Variants in GTF2B observed in about 807,000 individuals in gnomAD.
GTF2B encodes the protein transcription initiation factor IIB.
Under a neutral mutation model 34.6 loss-of-function variants are expected in GTF2B, and 20 were observed. The observed-to-expected ratio is 0.58, with a 90% confidence interval of 0.41 to 0.84. The LOEUF (loss-of-function observed/expected upper bound fraction) is 0.84. Among genes scored for constraint, GTF2B ranks in the 40% least tolerant of loss-of-function variants. The pLI is 0.00. For missense variants in GTF2B, 237 were observed against 393.3 expected (o/e 0.60, Z 3.36); for synonymous variants, 142 against 132.4 (o/e 1.07, Z -0.50).
chr1:88,856,281 A>AAAC (rs1673307055), intron 6 of GTF2B, among the ~76,000 whole-genome samples: 1 of 120,486 alleles, frequency 8.3e-6, no homozygotes, highest in South Asian at 2.4e-4. Flanking sequence ...ACAAAAAAAA[A>AAAC]AAAAAAAAAC....
At chr1:88,878,423 C>T (rs1180428092) in intron 2 of GTF2B, among the ~76,000 whole-genome samples, 1 of 152,108 alleles carries the variant, frequency 6.6e-6, no homozygotes, top group Non-Finnish European at 1.5e-5. Flanking sequence ...ACCAATTAAA[C>T]AACTATCACA....
intron 2 of GTF2B, among the ~76,000 whole-genome samples, chr1:88,885,517 G>A (rs1674046498): frequency 6.6e-6 from 1 of 151,944 alleles, no homozygotes; most frequent in African/African-American, 2.4e-5. Flanking sequence ...GGAGGCCAAG[G>A]CGATCGTATC....
In GTF2B at chr1:88,859,923, T is replaced by C. The variant is rs200968533; in HGVS notation, c.494A>G (p.Tyr165Cys). 6.2e-7 allele frequency: 1 copy of C among 1,613,798 alleles called. No homozygotes were observed. The highest frequency in any genetic ancestry group is 8.5e-7 in the Non-Finnish European group (1 of 1,179,838). The change falls in exon 5 of 7, where the codon TAT becomes TGT. Residue 165 changes from tyrosine to cysteine, a missense_variant. By Grantham distance (194) the Tyr-to-Cys change is radical. Coordinates refer to ENST00000370500, the MANE Select transcript of GTF2B (RefSeq NM_001514.6). ...AACCCCTTCTTGTCTACAGGCAATA[T>C]AGAGACAAGCAGAAGCTATAGCATC... ...ANDAIASACL[Y>C]IACRQEGVPR...
chr1:88,889,341 A>G (rs1449778777), intron 1 of GTF2B, among the ~76,000 whole-genome samples: 5 of 152,232 alleles, frequency 3.3e-5, no homozygotes, highest in Admixed American at 6.5e-5. Context: ...AACCATACAA[A>G]TGGGGTGGTG....
chr1:88,885,855 A>G (rs1346814296), intron 2 of GTF2B, among the ~76,000 whole-genome samples: 1 of 152,262 alleles, frequency 6.6e-6, no homozygotes. Flanking sequence ...TGTAAAAGCC[A>G]GAATTAACAA....
At chr1:88,862,833 G>A (rs1055027016) in intron 3 of GTF2B, among the ~76,000 whole-genome samples, 2 of 151,916 alleles carry the variant, frequency 1.3e-5, no homozygotes, top group Non-Finnish European at 2.9e-5. Flanking sequence ...AGTAGAGACG[G>A]GGTTTCGCCA....
chr1:88,867,794 TTTTA>T (rs901778896), intron 2 of GTF2B, among the ~76,000 whole-genome samples: 2 of 151,928 alleles, frequency 1.3e-5, no homozygotes, highest in African/African-American at 4.8e-5. Context: ...AAGATGGATT[TTTTA>T]TTTTTTTTAA....
At chr1:88,856,303 A>AAAGAAAAAAAAAAG (rs1673313878) in intron 6 of GTF2B, among the ~76,000 whole-genome samples, 1 of 146,818 alleles carries the variant, frequency 6.8e-6, no homozygotes, top group Non-Finnish European at 1.5e-5. Flanking sequence ...AAAAAAAAAA[A>AAAGAAAAAAAAAAG]GGAAAAGAAA....
At chr1:88,883,001 A>G (rs965400888) in intron 2 of GTF2B, among the ~76,000 whole-genome samples, 11 of 152,366 alleles carry the variant, frequency 7.2e-5, no homozygotes, top group African/African-American at 2.4e-4. Context: ...CCTGGAAAAT[A>G]TATCTGCTGC....
In GTF2B at chr1:88,864,267, T is replaced by TA. The variant is rs1673501154; in HGVS notation, c.125-154dup. 5.9e-5 allele frequency among the ~76,000 whole-genome samples: 9 copies of TA among 152,374 alleles called. No homozygotes were observed. The South Asian group carries it at 1.9e-3, about 32-fold the overall frequency. ...AATATCACATTTCAGACATTTGTCC[T>TA]AAAGCATTCCTTTAACTATTGTGCC... On this transcript the variant is annotated intron_variant, in intron 2 of 6. Transcript: ENST00000370500.
At chr1:88,880,027 C>A (rs1172310344) in intron 2 of GTF2B, among the ~76,000 whole-genome samples, 1 of 151,756 alleles carries the variant, frequency 6.6e-6, no homozygotes, top group African/African-American at 2.4e-5. Context: ...CCACTGCACT[C>A]CAGCCTGGGC....
At chr1:88,855,353 G>GTTT (rs1315421121) in intron 6 of GTF2B, among the ~76,000 whole-genome samples, 3 of 134,090 alleles carry the variant, frequency 2.2e-5, no homozygotes, top group African/African-American at 2.9e-5. Context: ...TTCACTTTCT[G>GTTT]TTTTTGTTTT....
rs567908190 is a variant in GTF2B at position 88,859,014 on chromosome 1, C to T, written c.535+868G>A. ...TCCTGAGTAGCTGGGACTACAGGCG[C>T]GCACCACCACGCCTGGCTAATTTTT... On this transcript the variant is annotated intron_variant, in intron 5 of 6. Coordinates refer to ENST00000370500, the MANE Select transcript of GTF2B (RefSeq NM_001514.6). Among the ~76,000 whole-genome samples the T allele has an allele frequency of 2.0e-4, 31 of 151,928 alleles. 2 individuals carry two copies. The South Asian group carries it at 5.6e-3, about 27-fold the overall frequency.
In GTF2B at chr1:88,860,015, C is replaced by CA; in HGVS notation, c.406-5dup. On this transcript the variant is annotated splice_region_variant and splice_polypyrimidine_tract_variant and intron_variant, in intron 4 of 6. Transcript: ENST00000370500. The stretch of plus-strand genomic sequence containing the variant: ...TGAATAAATTATTTGTTCGATCCTT[C>CA]AAAGCAGAGAAACTAAGTTTAACTC... The CA allele has an allele frequency of 1.2e-6, 2 of 1,613,584 alleles. No homozygotes were observed. The highest frequency in any genetic ancestry group is 1.7e-6 in the Non-Finnish European group (2 of 1,179,666).
intron 2 of GTF2B, among the ~76,000 whole-genome samples, chr1:88,865,877 A>AAAAAC (rs146788070): frequency 0.086 from 12,999 of 150,352 alleles, 1,283 homozygotes; most frequent in African/African-American, 0.25. Flanking sequence ...AACAAACAAA[A>AAAAAC]ATTAATCTCC....
At chr1:88,853,759 G>A (rs140746185) in intron 6 of GTF2B, among the ~76,000 whole-genome samples, 1,958 of 152,144 alleles carry the variant, frequency 0.013, 17 homozygotes, top group Non-Finnish European at 0.02. Context: ...AGCCGAGATC[G>A]CACCACTGCA....
At chr1:88,876,100 C>T (rs1004491865) in intron 2 of GTF2B, among the ~76,000 whole-genome samples, 12 of 152,132 alleles carry the variant, frequency 7.9e-5, no homozygotes, top group African/African-American at 9.7e-5. Flanking sequence ...CTGTGTCTAA[C>T]GGCTTACAAG....
chr1:88,878,078 G>A (rs1673854369), intron 2 of GTF2B, among the ~76,000 whole-genome samples: 1 of 152,180 alleles, frequency 6.6e-6, no homozygotes, highest in South Asian at 2.1e-4. Context: ...AGACCAGCAT[G>A]GGCAACACAG....
chr1:88,873,438 A>T (rs1673745980), intron 2 of GTF2B, among the ~76,000 whole-genome samples: 1 of 152,026 alleles, frequency 6.6e-6, no homozygotes, highest in African/African-American at 2.4e-5. Context: ...TGACCTCGTG[A>T]TCTGCCTGCC....
Sources: allele counts gnomAD v4.1 joint callset (sites outside exome capture counted in the v4.1 genomes callset), GRCh38; gene constraint gnomAD v4.1.1; transcripts MANE v1.5; gene names NCBI Gene and HGNC (gene_info 2026-07-23, HGNC 2026-07-21).